The following KLHL29 variants were observed in gnomAD, a reference collection of about 807,000 sequenced individuals.
The protein encoded by KLHL29 is kelch like family member 29.
A neutral mutation model predicts 80.4 loss-of-function variants in KLHL29; 21 were observed. The observed-to-expected ratio is 0.26, with a 90% confidence interval of 0.19 to 0.38. The LOEUF is 0.38. Ranked by LOEUF, KLHL29 falls within the 10% of genes least tolerant of loss-of-function variation. KLHL29 has a pLI of 1.00. For synonymous variants in KLHL29, 511 were observed against 526.8 expected, an observed-to-expected ratio of 0.97 and a Z score of 0.41; for missense variants, 867 against 1,223.9, an observed-to-expected ratio of 0.71 and a Z score of 4.35.
At chr2:23,417,299 A>G (rs528775540) in intron 1 of KLHL29, among the ~76,000 whole-genome samples, 16 of 152,296 alleles carry the variant, frequency 1.1e-4, no homozygotes, top group Admixed American at 1.0e-3. Flanking sequence ...GCCTTCTGCT[A>G]GAGCCATGGC....
chr2:23,438,289 G>T (rs1663403944), intron 1 of KLHL29, among the ~76,000 whole-genome samples: 1 of 151,708 alleles, frequency 6.6e-6, no homozygotes, highest in Non-Finnish European at 1.5e-5. Flanking sequence ...TTTCCTAATT[G>T]AATACCCTTT....
chr2:23,597,867 G>A (rs1285604937), intron 3 of KLHL29, among the ~76,000 whole-genome samples: 1 of 152,098 alleles, frequency 6.6e-6, no homozygotes, highest in African/African-American at 2.4e-5. Context: ...CCGACCTGTG[G>A]TCTTTCCGCA....
chr2:23,607,248 CAGG>C (rs1184025086), intron 3 of KLHL29, among the ~76,000 whole-genome samples: 1 of 151,992 alleles, frequency 6.6e-6, no homozygotes, highest in Non-Finnish European at 1.5e-5. Flanking sequence ...CCACACAGAC[CAGG>C]AGGTGGTGAC....
At chr2:23,461,976 A>AT (rs10659814) in intron 1 of KLHL29, among the ~76,000 whole-genome samples, 36,211 of 141,162 alleles carry the variant, frequency 0.26, 5,171 homozygotes, top group Non-Finnish European at 0.33. Context: ...GGTTTTTGCC[A>AT]TTTTTTTTTT....
In KLHL29 at chr2:23,462,857, G is replaced by A. The variant is rs190081584; in HGVS notation, c.-153-12703G>A. Among the ~76,000 whole-genome samples the A allele has an allele frequency of 6.8e-3, 1,038 of 152,204 alleles. 2 individuals carry two copies. The highest frequency in any genetic ancestry group is 0.012 in the Non-Finnish European group (789 of 68,014). ...TTACAAACTATATAAAATGCTAACC[G>A]GGCATGGTGGCTCACACCTGTAATC... is the stretch of plus-strand genomic sequence containing the variant. On this transcript the variant is annotated intron_variant, in intron 1 of 13. Coordinates refer to ENST00000486442, the MANE Select transcript of KLHL29 (RefSeq NM_052920.2).
At chr2:23,580,090 G>T (rs1179380708) in intron 3 of KLHL29, among the ~76,000 whole-genome samples, 1 of 152,242 alleles carries the variant, frequency 6.6e-6, no homozygotes, top group Non-Finnish European at 1.5e-5. Context: ...TCTAGACCAG[G>T]CCGGGCGCGG....
chr2:23,602,083 G>T (rs1313092562), intron 3 of KLHL29, among the ~76,000 whole-genome samples: 2 of 152,178 alleles, frequency 1.3e-5, no homozygotes, highest in Admixed American at 1.3e-4. Flanking sequence ...ACACAGCAAG[G>T]GTCCCCCAGT....
At chr2:23,427,322 A>G (rs530416878) in intron 1 of KLHL29, among the ~76,000 whole-genome samples, 3 of 152,366 alleles carry the variant, frequency 2.0e-5, no homozygotes, top group South Asian at 4.1e-4. Context: ...GAATCTGTCA[A>G]AAATCACTCT....
intron 2 of KLHL29, among the ~76,000 whole-genome samples, chr2:23,506,426 T>G (rs1665600149): frequency 6.6e-6 from 1 of 152,198 alleles, no homozygotes; most frequent in Non-Finnish European, 1.5e-5. Context: ...GGAGAGAATC[T>G]CTGCACAGGC....
At chr2:23,555,100 G>C (rs1290417432) in intron 2 of KLHL29, among the ~76,000 whole-genome samples, 4 of 149,236 alleles carry the variant, frequency 2.7e-5, no homozygotes, top group African/African-American at 7.4e-5. Flanking sequence ...CTGTGTCGTG[G>C]GTATTTATGG....
At chr2:23,604,051 C>A (rs568313268) in intron 3 of KLHL29, among the ~76,000 whole-genome samples, 3 of 152,354 alleles carry the variant, frequency 2.0e-5, no homozygotes, top group African/African-American at 7.2e-5. Context: ...GGGTCTGGGG[C>A]AGCCCCCGAG....
At chr2:23,415,050 G>C (rs1666951514) in intron 1 of KLHL29, among the ~76,000 whole-genome samples, 1 of 152,242 alleles carries the variant, frequency 6.6e-6, no homozygotes, top group Non-Finnish European at 1.5e-5. Context: ...AGGCCCCACA[G>C]CTGCCCTGCT....
At chr2:23,629,121 TGTTGGGGGAGCGGTGCGGA>T (rs1669404598) in intron 3 of KLHL29, among the ~76,000 whole-genome samples, 1 of 152,168 alleles carries the variant, frequency 6.6e-6, no homozygotes, top group South Asian at 2.1e-4. Context: ...GGAACGCGGC[TGTTGGGGGAGCGGTGCGGA>T]CTGATTGAAG....
intron 5 of KLHL29, among the ~76,000 whole-genome samples, chr2:23,683,104 A>G (rs553983161): frequency 3.9e-5 from 6 of 152,254 alleles, no homozygotes; most frequent in Non-Finnish European, 5.9e-5. Flanking sequence ...CAGAGAGACA[A>G]AGGGTCTTGG....
Position 23,604,843 on chromosome 2 carries a change from C to T in KLHL29, c.286-34296C>T, listed in dbSNP as rs1159315127. ...TTGCTGCCTGTCGGCCTGAGGTCCC[C>T]ATCCTGACCCATGCTTCCTGCCCCC... On this transcript the variant is annotated intron_variant, in intron 3 of 13. Transcript: ENST00000486442. 2.6e-5 allele frequency among the ~76,000 whole-genome samples: 4 copies of T among 152,312 alleles called. 1 individual carries two copies. The highest frequency in any genetic ancestry group is 2.6e-4 in the Admixed American group (4 of 15,308).
chr2:23,387,041 C>T (rs924528899), intron 1 of KLHL29, among the ~76,000 whole-genome samples: 1 of 151,882 alleles, frequency 6.6e-6, no homozygotes, highest in Non-Finnish European at 1.5e-5. Context: ...AAGGAGCTGC[C>T]GCCGCCGCCG....
intron 3 of KLHL29, among the ~76,000 whole-genome samples, chr2:23,604,808 T>C (rs1238872866): frequency 6.6e-6 from 1 of 152,172 alleles, no homozygotes; most frequent in Non-Finnish European, 1.5e-5. Flanking sequence ...TGCCTCCTCC[T>C]CCCTGCTCCT....
At position 23,647,470 on chromosome 2, in the gene KLHL29, C is replaced by T. The variant is rs1007017422; in HGVS notation, c.940+4620C>T. On this transcript the variant is annotated intron_variant, in intron 5 of 13. Transcript: ENST00000486442. The surrounding 1 kb of genome is among the most constrained non-coding windows in gnomAD (Gnocchi z 4.9). ...AGGCCTGCGTTGTCTGTGGCCAGCC[C>T]TTTGTCCACCTCTAGCACTAAGTCT... is the stretch of plus-strand genomic sequence containing the variant. Among the ~76,000 whole-genome samples the T allele has an allele frequency of 5.3e-5, 8 of 152,152 alleles. No homozygotes were observed. The highest frequency in any genetic ancestry group is 1.9e-4 in the African/African-American group (8 of 41,434).
At chr2:23,420,702 G>C (rs1662773954) in intron 1 of KLHL29, among the ~76,000 whole-genome samples, 1 of 152,186 alleles carries the variant, frequency 6.6e-6, no homozygotes, top group Non-Finnish European at 1.5e-5. Context: ...GTGCCTGCTG[G>C]ACCTTGTGCT....
Sources: allele counts gnomAD v4.1 joint callset (sites outside exome capture counted in the v4.1 genomes callset), GRCh38; gene constraint gnomAD v4.1.1; non-coding constraint Gnocchi (gnomAD v3.1); transcripts MANE v1.5; gene names NCBI Gene and HGNC (gene_info 2026-07-23, HGNC 2026-07-21).